RCAN1: variants seen among roughly 807,000 people sequenced by gnomAD.
The protein encoded by RCAN1 is calcipressin-1.
A neutral mutation model predicts 22.9 loss-of-function variants in RCAN1; 11 were observed. The observed-to-expected ratio is 0.48, with a 90% CI of 0.30 to 0.79. The LOEUF (loss-of-function observed/expected upper bound fraction) is 0.79, where lower values mean the gene tolerates loss of function less well. Ranked by LOEUF, RCAN1 falls within the 30% of genes least tolerant of loss-of-function variation. The pLI, the probability that RCAN1 is intolerant of heterozygous loss-of-function variation, is 0.06. For missense variants in RCAN1, 291 were observed against 337.8 expected (o/e 0.86, Z 1.09); for synonymous variants, 136 against 142.3 (o/e 0.96, Z 0.32).
intron 1 of RCAN1, among the ~76,000 whole-genome samples, chr21:34,545,625 T>A (rs1251519602): frequency 6.6e-6 from 1 of 152,206 alleles, no homozygotes; most frequent in African/African-American, 2.4e-5. Context: ...TCTCAGCAGT[T>A]ACACTAACGA....
intron 1 of RCAN1, among the ~76,000 whole-genome samples, chr21:34,571,463 T>C (rs1199338817): frequency 2.0e-5 from 3 of 152,218 alleles, no homozygotes; most frequent in Non-Finnish European, 4.4e-5. Context: ...AACAGAAGTA[T>C]TGTGTTAAAA....
intron 1 of RCAN1, among the ~76,000 whole-genome samples, chr21:34,579,517 G>A (rs1468045391): frequency 6.6e-6 from 1 of 152,166 alleles, no homozygotes; most frequent in Non-Finnish European, 1.5e-5. Context: ...TAAACAGCTA[G>A]ATTTGGGACC....
chr21:34,559,120 T>A (rs1261727160), intron 1 of RCAN1: 1 of 152,178 alleles, frequency 6.6e-6, no homozygotes, highest in Non-Finnish European at 1.5e-5. Flanking sequence ...CCACTGGAAA[T>A]TGAGAGAATG....
intron 1 of RCAN1, among the ~76,000 whole-genome samples, chr21:34,553,231 G>A (rs903122938): frequency 2.0e-5 from 3 of 152,208 alleles, no homozygotes; most frequent in Non-Finnish European, 2.9e-5. Context: ...CCTCACCAGC[G>A]GAGCTCACAG....
At chr21:34,521,181 T>C (rs1984492069) in intron 3 of RCAN1, 1 of 1,359,926 alleles carries the variant, frequency 7.4e-7, no homozygotes, top group African/African-American at 1.5e-5. Context: ...CGACAGAACC[T>C]GGGGCCGGGG....
rs1410363106 is a variant in RCAN1 at position 34,580,062 on chromosome 21, ACT to A, written c.252+34696_252+34697del. Among the ~76,000 whole-genome samples the A allele has an allele frequency of 5.9e-5, 9 of 152,330 alleles. No homozygotes were observed. The East Asian group carries it at 1.7e-3, about 29-fold the overall frequency. ...AGAGGGGAAAGTGTCACAGTGCATTACTTTCAGACCCACCGTGTCTGCACAAA... is the reference window on the plus strand; with the variant it reads ...AGAGGGGAAAGTGTCACAGTGCATTATTCAGACCCACCGTGTCTGCACAAA... On this transcript the variant is annotated intron_variant, in intron 1 of 3. Transcript: ENST00000313806.
chr21:34,538,797 C>T (rs963369485), intron 1 of RCAN1, among the ~76,000 whole-genome samples: 1 of 152,194 alleles, frequency 6.6e-6, no homozygotes, highest in Non-Finnish European at 1.5e-5. Context: ...TCTGCCCCAA[C>T]AGGGCTGACT....
rs561525276 is a variant in RCAN1 at position 34,607,096 on chromosome 21, C to A, written c.252+7664G>T. Among the ~76,000 whole-genome samples, 7 of 152,276 alleles carry A rather than the reference C, an allele frequency of 4.6e-5. No individual in the cohort carries two copies. The East Asian group carries it at 1.4e-3, about 29-fold the overall frequency. On this transcript the variant is annotated intron_variant, in intron 1 of 3. Coordinates refer to ENST00000313806, the MANE Select transcript of RCAN1 (RefSeq NM_004414.7). ...TATGATTGCACATGGGAATTTCATG[C>A]GGCACCTGCTGAAATTAGTAACAAA... is the stretch of plus-strand genomic sequence containing the variant.
intron 1 of RCAN1, among the ~76,000 whole-genome samples, chr21:34,548,183 G>A (rs1250802823): frequency 6.6e-6 from 1 of 152,168 alleles, no homozygotes; most frequent in African/African-American, 2.4e-5. Flanking sequence ...CTCAGCTTTG[G>A]AACCAGGATT....
rs570653154 is a variant in RCAN1 at position 34,566,807 on chromosome 21, C to T, written c.253-43097G>A. On this transcript the variant is annotated intron_variant, in intron 1 of 3. Coordinates refer to ENST00000313806, the MANE Select transcript of RCAN1 (RefSeq NM_004414.7). The stretch of plus-strand genomic sequence containing the variant: ...CTCATGGTGGAAGGTGAAGGGGGAG[C>T]AGGCGTGTCACATGGCAAGAGAAAG... Among the ~76,000 whole-genome samples, 9 of 152,304 alleles carry T rather than the reference C, an allele frequency of 5.9e-5. 1 individual carries two copies. In the South Asian group the frequency reaches 1.9e-3, roughly 32 times the overall value.
chr21:34,611,969 A>G (rs1442835875), intron 1 of RCAN1, among the ~76,000 whole-genome samples: 4 of 152,228 alleles, frequency 2.6e-5, no homozygotes, highest in Admixed American at 2.6e-4. Context: ...TGATTGCTGT[A>G]TATCTCACAG....
intron 1 of RCAN1, among the ~76,000 whole-genome samples, chr21:34,610,040 AG>A (rs1988641614): frequency 6.6e-6 from 1 of 152,208 alleles, no homozygotes. Context: ...CCCTCACACT[AG>A]GGTGAAAAGT....
At chr21:34,521,306 C>A in intron 3 of RCAN1, 193 bp downstream of exon 3, 1 of 1,476,412 alleles carries the variant, frequency 6.8e-7, no homozygotes, top group Non-Finnish European at 9.0e-7. Flanking sequence ...GTCTCTCTAA[C>A]ACTGCAGGTG....
chr21:34,587,287 A>G (rs57792873), intron 1 of RCAN1, among the ~76,000 whole-genome samples: 10,330 of 152,230 alleles, frequency 0.068, 449 homozygotes, highest in East Asian at 0.15. Flanking sequence ...ATAAAACTGA[A>G]TATTTAATTA....
chr21:34,614,435 G>A lies in RCAN1; in HGVS notation c.252+325C>T. On this transcript the variant is annotated intron_variant, in intron 1 of 3. Transcript: ENST00000313806. This position sits in a 1 kb window ranked among gnomAD's most constrained non-coding sequence, Gnocchi z 6.0. ...GCGAGTAAATGCGGGGCGATGGCGA[G>A]AGCGCAGGGGGCGGCGGCGCTGCCC... 1 of 1,007,934 alleles carries A rather than the reference G, an allele frequency of 9.9e-7. No individual in the cohort carries two copies. The highest frequency in any genetic ancestry group is 1.2e-6 in the Non-Finnish European group (1 of 845,050). The allele number at this position is 1,007,934 out of a possible 1,614,324, so 62.4% of individuals were successfully genotyped here. A position where few individuals can be genotyped will look rare whatever the true frequency, so the allele number is the denominator to read the frequency against.
rs74537178 is a variant in RCAN1 at position 34,526,954 on chromosome 21, C to A, written c.253-3244G>T. On this transcript the variant is annotated intron_variant, in intron 1 of 3. Coordinates refer to ENST00000313806, the MANE Select transcript of RCAN1 (RefSeq NM_004414.7). ...TCCTGAGTCAAGTCCTGCATGCTTGCAGGCAGACAGGGACAAAGTGTAAGT... is the reference window on the plus strand; with the variant it reads ...TCCTGAGTCAAGTCCTGCATGCTTGAAGGCAGACAGGGACAAAGTGTAAGT... 60 of 1,371,326 alleles carry A rather than the reference C, an allele frequency of 4.4e-5. No individual in the cohort carries two copies. In the African/African-American group the frequency reaches 8.3e-4, roughly 19 times the overall value. 84.9% of individuals were successfully genotyped at this position (1,371,326 alleles called of 1,614,324 possible). A position where few individuals can be genotyped will look rare whatever the true frequency, so the allele number is the denominator to read the frequency against.
At chr21:34,553,498 C>G (rs191035931) in intron 1 of RCAN1, among the ~76,000 whole-genome samples, 1 of 152,140 alleles carries the variant, frequency 6.6e-6, no homozygotes, top group African/African-American at 2.4e-5. Context: ...CATTCCATAC[C>G]GTAGTTTTCC....
At position 34,518,099 on chromosome 21, in the gene RCAN1, C is replaced by G. The variant is rs773100015; in HGVS notation, c.744G>C (p.Pro248=). ...GCGTGCCAGTTCAGCTGAGGTGGAT[C>G]GGCGTGTACTCCGGCCTCCTGGTCT... The part of the protein sequence containing the change: ...IIQTRRPEYT[P]IHLS The change falls in exon 4 of 4, where the codon CCG becomes CCC. Residue 248 remains proline (P), a synonymous_variant. Coordinates refer to ENST00000313806, the MANE Select transcript of RCAN1 (RefSeq NM_004414.7). This position sits in a 1 kb window ranked among gnomAD's most constrained non-coding sequence, Gnocchi z 4.2. 2.5e-6 allele frequency: 4 copies of G among 1,614,150 alleles called. No individual in the cohort carries two copies. The highest frequency in any genetic ancestry group is 3.4e-6 in the Non-Finnish European group (4 of 1,180,030).
chr21:34,526,769 A>G, intron 1 of RCAN1: 2 of 1,606,582 alleles, frequency 1.2e-6, no homozygotes, highest in Non-Finnish European at 1.7e-6. Flanking sequence ...TTACAGTGAA[A>G]GCGCTACAGA....
Sources: allele counts gnomAD v4.1 joint callset (sites outside exome capture counted in the v4.1 genomes callset), GRCh38; gene constraint gnomAD v4.1.1; non-coding constraint Gnocchi (gnomAD v3.1); transcripts MANE v1.5; gene names NCBI Gene and HGNC (gene_info 2026-07-23, HGNC 2026-07-21).